Variants in RALYL observed in about 807,000 individuals in gnomAD.
The protein encoded by RALYL is RNA-binding Raly-like protein.
RALYL carries 29 observed loss-of-function variants against 35.1 expected under a neutral mutation model. The observed-to-expected ratio is 0.83, with a 90% CI of 0.61 to 1.13. The LOEUF is 1.13. Ranked by LOEUF, RALYL falls within the 50% of genes most tolerant of loss-of-function variation. The pLI, the probability that RALYL is intolerant of heterozygous loss-of-function variation, is 0.00. For missense variants in RALYL, 359 were observed against 360.4 expected (o/e 1.00, Z 0.03); for synonymous variants, 120 against 127.6 (o/e 0.94, Z 0.40).
chr8:84,863,790 T>G (rs921885100), intron 6 of RALYL, among the ~76,000 whole-genome samples: 1 of 152,170 alleles, frequency 6.6e-6, no homozygotes, highest in Non-Finnish European at 1.5e-5. Flanking sequence ...TAAGATAACT[T>G]CAATAGCACA....
At chr8:84,766,373 T>G (rs561954163) in intron 2 of RALYL, among the ~76,000 whole-genome samples, 1 of 151,864 alleles carries the variant, frequency 6.6e-6, no homozygotes, top group Admixed American at 6.6e-5. Flanking sequence ...ACAGTTTTAC[T>G]GTGATAAATT....
At chr8:84,552,223 T>G (rs1031916841) in intron 2 of RALYL, among the ~76,000 whole-genome samples, 1 of 150,848 alleles carries the variant, frequency 6.6e-6, no homozygotes, top group Non-Finnish European at 1.5e-5. Flanking sequence ...AACTGTGGTT[T>G]CAGAAAAGTG....
chr8:84,735,111 A>G (rs904745417), intron 2 of RALYL, among the ~76,000 whole-genome samples: 1 of 151,664 alleles, frequency 6.6e-6, no homozygotes, highest in Admixed American at 6.6e-5. Context: ...CATTTGCCAT[A>G]TTGATGGACT....
At chr8:84,409,479 G>A (rs2043886656) in intron 1 of RALYL, among the ~76,000 whole-genome samples, 1 of 151,982 alleles carries the variant, frequency 6.6e-6, no homozygotes, top group African/African-American at 2.4e-5. Context: ...TGGTCCACCT[G>A]ATTTTAAGTT....
intron 6 of RALYL, among the ~76,000 whole-genome samples, chr8:84,863,195 T>C (rs977124732): frequency 2.0e-5 from 3 of 152,126 alleles, no homozygotes; most frequent in Admixed American, 6.5e-5. Flanking sequence ...AATAAACACA[T>C]AGAGAAAGTT....
At chr8:84,266,756 C>G (rs1378850233) in intron 1 of RALYL, among the ~76,000 whole-genome samples, 3 of 151,914 alleles carry the variant, frequency 2.0e-5, no homozygotes, top group Non-Finnish European at 4.4e-5. Context: ...GTCAGGAGAT[C>G]GAGACCATCC....
chr8:84,376,802 C>G (rs892467690), intron 1 of RALYL, among the ~76,000 whole-genome samples: 1 of 151,652 alleles, frequency 6.6e-6, no homozygotes, highest in Non-Finnish European at 1.5e-5. Flanking sequence ...AGTTTCTGAC[C>G]TTGGGGGTCA....
At chr8:84,876,060 C>T (rs1841074403) in intron 7 of RALYL, among the ~76,000 whole-genome samples, 1 of 152,044 alleles carries the variant, frequency 6.6e-6, no homozygotes, top group African/African-American at 2.4e-5. Flanking sequence ...CCTAAGCTCT[C>T]AGTACATTAC....
chr8:84,543,680 T>C (rs927010770), intron 2 of RALYL, among the ~76,000 whole-genome samples: 2 of 152,060 alleles, frequency 1.3e-5, no homozygotes, highest in African/African-American at 2.4e-5. Context: ...TTTGACACCA[T>C]ATTTATGTTG....
intron 1 of RALYL, among the ~76,000 whole-genome samples, chr8:84,319,457 A>G (rs1344692948): frequency 6.6e-6 from 1 of 152,106 alleles, no homozygotes; most frequent in African/African-American, 2.4e-5. Context: ...TAGATGACCA[A>G]TTTCATAACC....
chr8:84,308,318 C>T (rs992346239), intron 1 of RALYL, among the ~76,000 whole-genome samples: 2 of 151,876 alleles, frequency 1.3e-5, no homozygotes, highest in African/African-American at 4.8e-5. Flanking sequence ...AACAAGTGCT[C>T]ATAGAGAATA....
chr8:84,519,177 T>C (rs1470774676), intron 1 of RALYL, among the ~76,000 whole-genome samples: 1 of 152,202 alleles, frequency 6.6e-6, no homozygotes, highest in Admixed American at 6.5e-5. Flanking sequence ...CCATTTATTA[T>C]TAAGTAACAG....
intron 1 of RALYL, among the ~76,000 whole-genome samples, chr8:84,196,088 G>T (rs1261772894): frequency 6.6e-6 from 1 of 152,114 alleles, no homozygotes; most frequent in Non-Finnish European, 1.5e-5. Context: ...TTTTTACAAT[G>T]GCTCTAATGA....
intron 1 of RALYL, among the ~76,000 whole-genome samples, chr8:84,386,462 T>C (rs374517927): frequency 1.2e-3 from 188 of 151,956 alleles, no homozygotes; most frequent in African/African-American, 4.4e-3. Context: ...CTTTGAAATT[T>C]TCAGTTTTTG....
At chr8:84,854,383 A>G (rs974528622) in intron 5 of RALYL, among the ~76,000 whole-genome samples, 1 of 152,154 alleles carries the variant, frequency 6.6e-6, no homozygotes, top group Non-Finnish European at 1.5e-5. Flanking sequence ...AGAAAAAAAA[A>G]TAATGGTAGA....
chr8:84,359,790 A>G (rs1852577098), intron 1 of RALYL, among the ~76,000 whole-genome samples: 1 of 152,108 alleles, frequency 6.6e-6, no homozygotes, highest in South Asian at 2.1e-4. Context: ...TATACCTACT[A>G]GACCTGCCCT....
intron 2 of RALYL, among the ~76,000 whole-genome samples, chr8:84,552,735 A>G (rs1448449801): frequency 6.6e-6 from 1 of 151,680 alleles, no homozygotes; most frequent in African/African-American, 2.4e-5. Context: ...TTCACATTCC[A>G]AAAGTTGACT....
chr8:84,388,489 C>T (rs1036200744), intron 1 of RALYL, among the ~76,000 whole-genome samples: 11 of 152,154 alleles, frequency 7.2e-5, no homozygotes, highest in African/African-American at 2.7e-4. Context: ...TTCTCCACAT[C>T]CTCTCCAGCA....
chr8:84,312,883 G>A (rs1298946098), intron 1 of RALYL, among the ~76,000 whole-genome samples: 1 of 152,226 alleles, frequency 6.6e-6, no homozygotes, highest in Non-Finnish European at 1.5e-5. Flanking sequence ...CTCTACTAGT[G>A]CCCCAGTGGG....
Sources: gnomAD v4.1 joint callset for allele counts (sites outside exome capture counted in the v4.1 genomes callset) on GRCh38, gnomAD v4.1.1 for gene constraint, MANE v1.5 for transcripts, NCBI Gene and HGNC (gene_info 2026-07-23, HGNC 2026-07-21) for gene names.